BCLAF1: variants seen among roughly 807,000 people sequenced by gnomAD.
BCLAF1 encodes the protein BCL2 associated transcription factor 1.
In BCLAF1, 10 loss-of-function variants were observed where a neutral mutation model predicts 99.5. The observed-to-expected ratio is 0.10, with a 90% CI of 0.06 to 0.17. The LOEUF (loss-of-function observed/expected upper bound fraction) is 0.17, where lower values mean the gene tolerates loss of function less well. BCLAF1 is among the 10% of genes least tolerant of loss of function. The probability of loss-of-function intolerance (pLI) is 1.00; values close to 1 mark genes in which losing one functional copy is unlikely to be tolerated. For missense variants in BCLAF1, 636 were observed against 1,105.8 expected, an observed-to-expected ratio of 0.58 and a Z score of 6.02; for synonymous variants, 255 against 370.9, an observed-to-expected ratio of 0.69 and a Z score of 3.59.
intron 11 of BCLAF1, among the ~76,000 whole-genome samples, chr6:136,262,880 T>C (rs981493629): frequency 1.3e-5 from 2 of 152,072 alleles, no homozygotes; most frequent in Non-Finnish European, 2.9e-5. Context: ...AGTAGAAGCA[T>C]GGGTTTAAAT....
At chr6:136,269,023 C>T in intron 9 of BCLAF1, 2 of 740,380 alleles carry the variant, frequency 2.7e-6, no homozygotes, top group Non-Finnish European at 3.5e-6. Context: ...ATTTCTAGTC[C>T]TTCCTCCCCC....
At chr6:136,264,177 G>T (rs1781410730) in intron 11 of BCLAF1, among the ~76,000 whole-genome samples, 1 of 152,064 alleles carries the variant, frequency 6.6e-6, no homozygotes, top group African/African-American at 2.4e-5. Context: ...CATAGTACAT[G>T]ATGCTTAACA....
intron 11 of BCLAF1, among the ~76,000 whole-genome samples, chr6:136,266,293 A>T (rs1424978444): frequency 2.0e-5 from 3 of 152,128 alleles, no homozygotes; most frequent in Non-Finnish European, 2.9e-5. Flanking sequence ...TTTCAGAACT[A>T]GTCTCTGAAG....
intron 6 of BCLAF1, chr6:136,273,638 C>T (rs1782859109): frequency 6.3e-6 from 1 of 157,706 alleles, no homozygotes; most frequent in Non-Finnish European, 1.4e-5. Context: ...TGACTATATG[C>T]TGCCATATCA....
In BCLAF1 at chr6:136,259,421, T is replaced by C. The variant is rs1181574753; in HGVS notation, c.*1689A>G. 2 of 152,078 alleles carry C rather than the reference T, an allele frequency of 1.3e-5. No individual in the cohort carries two copies. The highest frequency in any genetic ancestry group is 2.9e-5 in the Non-Finnish European group (2 of 67,906). The allele number at this position is 152,078 out of a possible 1,614,324, so 9.4% of individuals were successfully genotyped here. ...ATAAAAGGGTCATGAAAATTCTGTG[T>C]TGGGAATCACATCCATGTTGCTTTC... On this transcript the variant is annotated 3_prime_UTR_variant, in exon 13 of 13. Coordinates refer to ENST00000531224, the MANE Select transcript of BCLAF1 (RefSeq NM_014739.3).
intron 6 of BCLAF1, 119 bp from the exon 7 acceptor site, chr6:136,273,306 A>G: frequency 1.2e-6 from 1 of 841,270 alleles, no homozygotes. Flanking sequence ...CTAGCAAAAG[A>G]GAATCAAGTG....
intron 11 of BCLAF1, among the ~76,000 whole-genome samples, chr6:136,266,796 T>A (rs1194787181): frequency 1.3e-5 from 2 of 152,062 alleles, no homozygotes; most frequent in African/African-American, 4.8e-5. Flanking sequence ...ACAAATCAGG[T>A]ATATTTTTTG....
Position 136,260,570 on chromosome 6 carries a change from C to CGGGATCGGTTCGGTCAACTCCAAA in BCLAF1, c.*539_*540insTTTGGAGTTGACCGAACCGATCCC, listed in dbSNP as rs1780832233. The CGGGATCGGTTCGGTCAACTCCAAA allele has an allele frequency of 6.5e-6, 1 of 152,862 alleles. No individual in the cohort carries two copies. Among genetic ancestry groups the CGGGATCGGTTCGGTCAACTCCAAA allele is most frequent in the Non-Finnish European group, 1.5e-5 (1 of 68,600 alleles). The allele number at this position is 152,862 out of a possible 1,614,324, so 9.5% of individuals were successfully genotyped here. ...TTTAATTCCTTCTTAAGCATTTGCT[C>CGGGATCGGTTCGGTCAACTCCAAA]AAGTGTTAAACTAGCTTAGTTTACC... On this transcript the variant is annotated 3_prime_UTR_variant, in exon 13 of 13. Transcript: ENST00000531224.
At chr6:136,289,234 A>G (rs1253567571) in intron 1 of BCLAF1, among the ~76,000 whole-genome samples, 1 of 152,250 alleles carries the variant, frequency 6.6e-6, no homozygotes, top group Admixed American at 6.5e-5. Context: ...TTATTTTCTC[A>G]AAACCCCACA....
At chr6:136,264,377 T>TC (rs1476759860) in intron 11 of BCLAF1, among the ~76,000 whole-genome samples, 2 of 152,118 alleles carry the variant, frequency 1.3e-5, no homozygotes, top group Non-Finnish European at 2.9e-5. Context: ...CAGCTAATTT[T>TC]CGTTTTTTTT....
chr6:136,259,707 C>T lies in BCLAF1; in HGVS notation c.*1403G>A, dbSNP rs866551131. On this transcript the variant is annotated 3_prime_UTR_variant, in exon 13 of 13. Coordinates refer to ENST00000531224, the MANE Select transcript of BCLAF1 (RefSeq NM_014739.3). Reference sequence around the variant, plus strand: ...AGGTGCTAGACGCACTGCAAATCCTCGAAAGTGTTTAAGATGAAAGAGCAA... The same window carrying T: ...AGGTGCTAGACGCACTGCAAATCCTTGAAAGTGTTTAAGATGAAAGAGCAA... The T allele has an allele frequency of 6.6e-6, 1 of 151,844 alleles. No individual in the cohort carries two copies. The highest frequency in any genetic ancestry group is 2.4e-5 in the African/African-American group (1 of 41,378). The allele number at this position is 151,844 out of a possible 1,614,324, so 9.4% of individuals were successfully genotyped here.
intron 1 of BCLAF1, among the ~76,000 whole-genome samples, chr6:136,289,385 G>A (rs1298454441): frequency 7.2e-5 from 11 of 152,314 alleles, no homozygotes; most frequent in Admixed American, 2.6e-4. Flanking sequence ...GCGCGCAGAG[G>A]TACGGGCTGA....
chr6:136,270,765 A>C (rs984812948), intron 8 of BCLAF1, among the ~76,000 whole-genome samples: 18 of 151,950 alleles, frequency 1.2e-4, no homozygotes, highest in Admixed American at 7.9e-4. Context: ...TTCATCAATT[A>C]TCTCTACTTT....
intron 5 of BCLAF1, 29 bp from the exon 6 acceptor site, chr6:136,275,730 A>G: frequency 6.4e-7 from 1 of 1,566,070 alleles, no homozygotes; most frequent in African/African-American, 1.4e-5. Context: ...ACACACACAC[A>G]CAAAATATAC....
At chr6:136,284,130 G>GTGTGTGTGTATATATA (rs36141174) in intron 1 of BCLAF1, among the ~76,000 whole-genome samples, 1 of 122,120 alleles carries the variant, frequency 8.2e-6, no homozygotes, top group African/African-American at 4.1e-5. Flanking sequence ...GTGTGTGTGT[G>GTGTGTGTGTATATATA]TATATATATA....
chr6:136,275,574 A>C lies in BCLAF1; in HGVS notation c.1810T>G (p.Ser604Ala). The change falls in exon 6 of 13, where the codon TCA becomes GCA. Residue 604 changes from serine to alanine, a missense_variant. Ser to Ala is a moderately conservative substitution (Grantham distance 99). Around this residue, in one of 9 missense-constraint regions of BCLAF1, gnomAD observed 180 missense variants for 270.0 expected, o/e 0.67. Transcript: ENST00000531224. ...AAGGACACAATGTGTTGAATAAATG[A>C]CTCTGAAGTGCTTTTGCTGGCCTGT... is the stretch of plus-strand genomic sequence containing the variant. ...LPQASKSTSE[S>A]FIQHIVSLVH... 1.3e-6 allele frequency: 2 copies of C among 1,588,472 alleles called. No homozygotes were observed. The highest frequency in any genetic ancestry group is 1.7e-6 in the Non-Finnish European group (2 of 1,169,478).
chr6:136,258,981 T>G lies in BCLAF1; in HGVS notation c.*2129A>C, dbSNP rs917905659. 6.6e-6 allele frequency: 1 copy of G among 152,502 alleles called. No individual in the cohort carries two copies. The highest frequency in any genetic ancestry group is 2.4e-5 in the African/African-American group (1 of 41,456). The allele number at this position is 152,502 out of a possible 1,614,324, so 9.4% of individuals were successfully genotyped here. A position where few individuals can be genotyped will look rare whatever the true frequency, so the allele number is the denominator to read the frequency against. ...TCAGTGAGTTATTTCCTAGCACTTG[T>G]AAGCAAATATCCTTACCAAGAGGAA... On this transcript the variant is annotated 3_prime_UTR_variant, in exon 13 of 13. Coordinates refer to ENST00000531224, the MANE Select transcript of BCLAF1 (RefSeq NM_014739.3).
rs1405027974 is a variant in BCLAF1 at position 136,262,128 on chromosome 6, A to G, written c.2545-651T>C. Among the ~76,000 whole-genome samples, 9 of 152,136 alleles carry G rather than the reference A, an allele frequency of 5.9e-5. No homozygotes were observed. The East Asian group carries it at 1.5e-3, about 26-fold the overall frequency. On this transcript the variant is annotated intron_variant, in intron 11 of 12. Transcript: ENST00000531224. ...CAGTTATCACATCCCAGCTTTAACC[A>G]TTAATTGTATTCAAATACAGATGAT...
intron 4 of BCLAF1, 137 bp from the exon 5 acceptor site, chr6:136,276,645 T>A: frequency 9.5e-7 from 1 of 1,052,434 alleles, no homozygotes; most frequent in Non-Finnish European, 1.3e-6. Flanking sequence ...TTTTTCAGAT[T>A]CCACTTTTAA....
Sources: allele counts gnomAD v4.1 joint callset (sites outside exome capture counted in the v4.1 genomes callset), GRCh38; gene constraint gnomAD v4.1.1; regional missense constraint gnomAD v4.1.1; transcripts MANE v1.5; gene names NCBI Gene and HGNC (gene_info 2026-07-23, HGNC 2026-07-21).